The following EPHA1 variants were observed in gnomAD, a reference collection of about 807,000 sequenced individuals.
EPHA1 encodes the protein ephrin type-A receptor 1.
A neutral mutation model predicts 110.1 loss-of-function variants in EPHA1; 92 were observed. The observed-to-expected ratio is 0.84, with a 90% CI of 0.71 to 0.99. The LOEUF (loss-of-function observed/expected upper bound fraction) is 0.99. Among genes scored for constraint, EPHA1 ranks in the 50% least tolerant of loss-of-function variants. The pLI, the probability that EPHA1 is intolerant of heterozygous loss-of-function variation, is 0.00. For missense variants in EPHA1, 1,204 were observed against 1,285.4 expected (o/e 0.94, Z 0.97); for synonymous variants, 500 against 516.1 (o/e 0.97, Z 0.42).
In EPHA1 at chr7:143,399,797, G is replaced by T; in HGVS notation, c.689C>A (p.Thr230Asn). The T allele has an allele frequency of 6.4e-7, 1 of 1,571,374 alleles. No individual in the cohort carries two copies. The highest frequency in any genetic ancestry group is 8.6e-7 in the Non-Finnish European group (1 of 1,157,970). ...GPAGLVEVAG[T>N]CLPHARASPR... is the part of the protein sequence containing the mutation. Reference sequence around the variant, plus strand: ...GCTGGCCCGCGCGTGGGGCAAGCAGGTCCCCGCCACTTCCACCAACCCAGC... The same window carrying T: ...GCTGGCCCGCGCGTGGGGCAAGCAGTTCCCCGCCACTTCCACCAACCCAGC... The change falls in exon 4 of 18, where the codon ACC becomes AAC. Residue 230 changes from threonine (T) to asparagine (N), a missense_variant. Thr to Asn is a moderately conservative substitution (Grantham distance 65, BLOSUM62 0). Transcript: ENST00000275815.
intron 2 of EPHA1, among the ~76,000 whole-genome samples, chr7:143,406,157 G>A (rs1302152158): frequency 1.3e-5 from 2 of 152,228 alleles, no homozygotes; most frequent in African/African-American, 4.8e-5. Context: ...AACTAGACTG[G>A]GGTGGGGGAG....
At chr7:143,404,654 T>C (rs906446423) in intron 2 of EPHA1, among the ~76,000 whole-genome samples, 6 of 151,948 alleles carry the variant, frequency 3.9e-5, no homozygotes, top group African/African-American at 1.5e-4. Context: ...TGTAGGCTCG[T>C]TTTTGGACTT....
intron 5 of EPHA1, 108 bp from the exon 6 acceptor site, chr7:143,399,053 T>C (rs1586583518): frequency 8.1e-7 from 1 of 1,240,534 alleles, no homozygotes; most frequent in East Asian, 2.5e-5. Context: ...GAAGTCCTCT[T>C]GGGGAGATTT....
rs767116546 is a variant in EPHA1, at chr7:143,398,928, G to A, written c.1009C>T (p.Arg337Ter). The A allele has an allele frequency of 1.4e-5, 23 of 1,603,004 alleles. No individual in the cohort carries two copies. In the East Asian group the frequency reaches 1.6e-4, roughly 11 times the overall value. Residue 337 changes from arginine (R) to a stop codon, truncating the protein, a stop_gained, in exon 6 of 18, where the codon CGA becomes TGA. Coordinates refer to ENST00000275815, the MANE Select transcript of EPHA1 (RefSeq NM_005232.5). LOFTEE classifies it high-confidence loss of function. ...CCTGAGGCAGAGAAGCTCAGGTTTC[G>A]GGGGGCCGAGGGGGGACCTGTGGGA... is the stretch of plus-strand genomic sequence containing the variant. Reference protein sequence around the residue: ...VACTGPPSAPRNLSFSASGTQ... With the variant: ...VACTGPPSAP
chr7:143,398,294 A>G lies in EPHA1; in HGVS notation c.1464+27T>C, dbSNP rs544600397. On this transcript the variant is annotated intron_variant, in intron 7 of 17. Coordinates refer to ENST00000275815, the MANE Select transcript of EPHA1 (RefSeq NM_005232.5). ...GGGGTGTGCCCGGGCATGGACACTG[A>G]AGACCATCTCTCAGTAGCATCCTGA... The G allele has an allele frequency of 1.9e-6, 3 of 1,613,098 alleles. No homozygotes were observed. In the Admixed American group the frequency reaches 5.0e-5, roughly 27 times the overall value.
rs753859464 is a variant in EPHA1, at chr7:143,394,246, C to T, written c.2450G>A (p.Trp817Ter). 1.2e-6 allele frequency: 2 copies of T among 1,613,912 alleles called. No homozygotes were observed. The highest frequency in any genetic ancestry group is 2.2e-5 in the East Asian group (1 of 44,888). Residue 817 changes from tryptophan to a stop codon, truncating the protein, a stop_gained, in exon 15 of 18, where the codon TGG becomes TAG. Transcript: ENST00000275815. LOFTEE classifies it high-confidence loss of function. ...CTTGTCCCCAAAGCTCAGCACCTCC[C>T]ACATCACAATCCCAAAGCTCCACAC... ...SDVWSFGIVM[W>*]EVLSFGDKPY...
At position 143,401,220 on chromosome 7, in the gene EPHA1, C is replaced by G; in HGVS notation, c.432+104G>C. 7.0e-7 allele frequency: 1 copy of G among 1,436,082 alleles called. No individual in the cohort carries two copies. Among genetic ancestry groups the G allele is most frequent in the South Asian group, 1.3e-5 (1 of 74,092 alleles). 89.0% of individuals were successfully genotyped at this position (1,436,082 alleles called of 1,614,324 possible). ...CAAGCGCCAAATTCTTTTCAAGATT[C>G]TACCTCTGCACCCTCTTCCTGTCTC... is the stretch of plus-strand genomic sequence containing the variant. On this transcript the variant is annotated intron_variant, in intron 3 of 17. Transcript: ENST00000275815. The surrounding 1 kb of genome is among the most constrained non-coding windows in gnomAD (Gnocchi z 4.1).
rs1383290063 is a variant in EPHA1, at chr7:143,395,490, C to G, written c.1912G>C (p.Val638Leu). The G allele has an allele frequency of 6.2e-7, 1 of 1,614,166 alleles. No individual in the cohort carries two copies. Among genetic ancestry groups the G allele is most frequent in the Admixed American group, 1.7e-5 (1 of 60,024 alleles). The change falls in exon 12 of 18, where the codon GTG becomes CTG. Residue 638 changes from valine (V) to leucine (L), a missense_variant. By Grantham distance (32) the Val-to-Leu change is conservative. Transcript: ENST00000275815. The surrounding 1 kb of genome is among the most constrained non-coding windows in gnomAD (Gnocchi z 4.7). Reference protein sequence around the residue: ...TVIGEGEFGEVYRGTLRLPSQ... With the variant: ...TVIGEGEFGELYRGTLRLPSQ... ...GGGAGCCTCAGGGTCCCTCGATACA[C>G]TTCCCCAAACTCTCCTGGGTAGAAA...
chr7:143,394,846 G>A lies in EPHA1; in HGVS notation c.2314C>T (p.Arg772Cys), dbSNP rs1197422509. The A allele has an allele frequency of 1.2e-6, 2 of 1,614,144 alleles. No individual in the cohort carries two copies. Among genetic ancestry groups the A allele is most frequent in the Non-Finnish European group, 1.7e-6 (2 of 1,180,032 alleles). The change falls in exon 14 of 18, where the codon CGC becomes TGC. Residue 772 changes from arginine (R) to cysteine (C), a missense_variant. Coordinates refer to ENST00000275815, the MANE Select transcript of EPHA1 (RefSeq NM_005232.5). ...GTGCCATCAAAGTCATCCAGGAGGC[G>A]AGTCAGGCCAAAGTCAGACACCTTG... ...CCKVSDFGLT[R>C]LLDDFDGTYE...
chr7:143,398,277 C>A, intron 7 of EPHA1, 44 bp downstream of exon 7: 1 of 1,609,444 alleles, frequency 6.2e-7, no homozygotes, highest in Non-Finnish European at 8.5e-7. Context: ...TTGGGGTGTG[C>A]CCGGGCATGG....
chr7:143,392,660 C>T (rs892926294), intron 16 of EPHA1, among the ~76,000 whole-genome samples: 1 of 151,940 alleles, frequency 6.6e-6, no homozygotes, highest in South Asian at 2.1e-4. Flanking sequence ...ATTGGTTCTC[C>T]AGGCCAGGCG....
Position 143,407,659 on chromosome 7 carries a change from G to C in EPHA1, c.102C>G (p.Ser34Arg). 1.9e-6 allele frequency: 3 copies of C among 1,613,438 alleles called. No homozygotes were observed. Among genetic ancestry groups the C allele is most frequent in the Non-Finnish European group, 2.5e-6 (3 of 1,179,692 alleles). ...GCCAGCCCAGCTCTCCCTGTGCCTT[G>C]CTTGTGTCCATCAGAGTAACTGAAA... ...RAKEVTLMDT[S>R]KAQGELGWLL... Residue 34 changes from serine to arginine, a missense_variant, in exon 2 of 18, where the codon AGC becomes AGG. Coordinates refer to ENST00000275815, the MANE Select transcript of EPHA1 (RefSeq NM_005232.5).
Position 143,401,233 on chromosome 7 carries a change from C to A in EPHA1, c.432+91G>T. On this transcript the variant is annotated intron_variant, in intron 3 of 17. Coordinates refer to ENST00000275815, the MANE Select transcript of EPHA1 (RefSeq NM_005232.5). The surrounding 1 kb of genome is among the most constrained non-coding windows in gnomAD (Gnocchi z 4.1). Reference sequence around the variant, plus strand: ...CTTTTCAAGATTCTACCTCTGCACCCTCTTCCTGTCTCTGCAACCTTCTCT... The same window carrying A: ...CTTTTCAAGATTCTACCTCTGCACCATCTTCCTGTCTCTGCAACCTTCTCT... The A allele has an allele frequency of 6.7e-7, 1 of 1,500,410 alleles. No individual in the cohort carries two copies. 92.9% of individuals were successfully genotyped at this position (1,500,410 alleles called of 1,614,324 possible).
Position 143,393,059 on chromosome 7 carries a change from C to T in EPHA1, c.2696+612G>A, listed in dbSNP as rs1186509223. On this transcript the variant is annotated intron_variant, in intron 16 of 17. Coordinates refer to ENST00000275815, the MANE Select transcript of EPHA1 (RefSeq NM_005232.5). This position sits in a 1 kb window ranked among gnomAD's most constrained non-coding sequence, Gnocchi z 5.6. ...CAGCCTCATGGCTGCTATTCCTAAA[C>T]ACAATGCCGCAGCCATCCTGCACTA... Among the ~76,000 whole-genome samples, 2 of 152,168 alleles carry T rather than the reference C, an allele frequency of 1.3e-5. No individual in the cohort carries two copies. The highest frequency in any genetic ancestry group is 2.4e-5 in the African/African-American group (1 of 41,430).
chr7:143,399,051 C>T (rs1805343471), intron 5 of EPHA1, 106 bp from the exon 6 acceptor site: 1 of 1,251,124 alleles, frequency 8.0e-7, no homozygotes, highest in African/African-American at 1.5e-5. Context: ...CTGAAGTCCT[C>T]TTGGGGAGAT....
chr7:143,398,293 G>A lies in EPHA1; in HGVS notation c.1464+28C>T, dbSNP rs779149454. On this transcript the variant is annotated intron_variant, in intron 7 of 17. Transcript: ENST00000275815. ...TGGGGTGTGCCCGGGCATGGACACT[G>A]AAGACCATCTCTCAGTAGCATCCTG... The A allele has an allele frequency of 1.4e-5, 23 of 1,612,960 alleles. No individual in the cohort carries two copies. The African/African-American group carries it at 2.1e-4, about 15-fold the overall frequency.
intron 2 of EPHA1, among the ~76,000 whole-genome samples, chr7:143,405,426 T>C (rs1369475079): frequency 7.9e-6 from 1 of 126,584 alleles, no homozygotes; most frequent in African/African-American, 2.9e-5. Context: ...TGCCTGCGTG[T>C]GCATGTGTGC....
rs1420650893 is a variant in EPHA1 at position 143,399,383 on chromosome 7, A to T, written c.866T>A (p.Met289Lys). 5.0e-6 allele frequency: 8 copies of T among 1,602,736 alleles called. No individual in the cohort carries two copies. Among genetic ancestry groups the T allele is most frequent in the Non-Finnish European group, 6.0e-6 (7 of 1,174,100 alleles). ...ACPSGSYRMDMDTPHCLTCPQ... is the reference protein window; with the variant it reads ...ACPSGSYRMDKDTPHCLTCPQ... ...GCACGTGAGACAATGGGGTGTGTCC[A>T]TGTCCATCCGGTAGGAGCCGCTAGG... The change falls in exon 5 of 18, where the codon ATG (methionine) becomes AAG (lysine). Residue 289 changes from methionine (M) to lysine (K), a missense_variant. Transcript: ENST00000275815.
At chr7:143,407,752 G>A in intron 1 of EPHA1, 74 bp from the exon 2 acceptor site, 1 of 1,389,402 alleles carries the variant, frequency 7.2e-7, no homozygotes. Flanking sequence ...TAATCATTCT[G>A]GGGCCTCAGC....
Sources: allele counts gnomAD v4.1 joint callset (sites outside exome capture counted in the v4.1 genomes callset), GRCh38; gene constraint gnomAD v4.1.1; non-coding constraint Gnocchi (gnomAD v3.1); transcripts MANE v1.5; gene names NCBI Gene and HGNC (gene_info 2026-07-23, HGNC 2026-07-21).